The following CEP97 variants were observed in gnomAD, a reference collection of about 807,000 sequenced individuals.
The protein encoded by CEP97 is centrosomal protein of 97 kDa.
A neutral mutation model predicts 73.1 loss-of-function variants in CEP97; 43 were observed. The observed-to-expected ratio is 0.59, with a 90% confidence interval of 0.46 to 0.76. The LOEUF is 0.76. CEP97 is among the 30% of genes least tolerant of loss of function. The pLI is 0.00. For missense variants in CEP97, 939 were observed against 1,014.0 expected (o/e 0.93, Z 1.00); for synonymous variants, 337 against 370.0 (o/e 0.91, Z 1.02).
At chr3:101,737,690 G>A (rs2107145189) in intron 6 of CEP97, among the ~76,000 whole-genome samples, 1 of 151,910 alleles carries the variant, frequency 6.6e-6, no homozygotes, top group East Asian at 1.9e-4. Context: ...ACTGAAGGAA[G>A]CACTAAACAT....
chr3:101,764,221 C>T (rs1046169004), intron 10 of CEP97, among the ~76,000 whole-genome samples: 2 of 152,166 alleles, frequency 1.3e-5, no homozygotes, highest in Admixed American at 6.5e-5. Flanking sequence ...AATCCCAGCA[C>T]TTGGGAGGCC....
intron 6 of CEP97, among the ~76,000 whole-genome samples, chr3:101,751,297 T>G (rs1323172221): frequency 6.6e-6 from 1 of 152,244 alleles, no homozygotes; most frequent in Non-Finnish European, 1.5e-5. Context: ...ATAATTTCTG[T>G]TCTTTTACAT....
At chr3:101,727,314 A>G in intron 2 of CEP97, 69 bp from the exon 3 acceptor site, 1 of 1,337,676 alleles carries the variant, frequency 7.5e-7, no homozygotes, top group Non-Finnish European at 1.0e-6. Context: ...TAAACCTTTT[A>G]AATCACTTTA....
At chr3:101,730,231 T>TTTTGTTTTGTTTTGTTTTG (rs1560008268) in intron 4 of CEP97, among the ~76,000 whole-genome samples, 2 of 144,888 alleles carry the variant, frequency 1.4e-5, no homozygotes, top group African/African-American at 5.1e-5. Flanking sequence ...CGAGTCTGTT[T>TTTTGTTTTGTTTTGTTTTG]TTTTGTTTTG....
intron 4 of CEP97, among the ~76,000 whole-genome samples, chr3:101,730,574 AT>A (rs11293857): frequency 0.31 from 44,139 of 144,346 alleles, 6,827 homozygotes; most frequent in Middle Eastern, 0.44. Context: ...CCAAGTCTGG[AT>A]TTTTTTTTTT....
Position 101,767,850 on chromosome 3 carries a change from CTGTAAATTAGAG to C in CEP97, c.*2304_*2315del, listed in dbSNP as rs1156899179. On this transcript the variant is annotated 3_prime_UTR_variant, in exon 11 of 11. Transcript: ENST00000341893. The stretch of plus-strand genomic sequence containing the variant: ...CTTGAATGTAGATAAAATGAAAATA[CTGTAAATTAGAG>C]TGTAGGAAAACTGGCATAGAGTTAA... 4 of 152,102 alleles carry C rather than the reference CTGTAAATTAGAG, an allele frequency of 2.6e-5. No homozygotes were observed. The highest frequency in any genetic ancestry group is 7.2e-5 in the African/African-American group (3 of 41,434). The allele number at this position is 152,102 out of a possible 1,614,324, so 9.4% of individuals were successfully genotyped here.
intron 6 of CEP97, among the ~76,000 whole-genome samples, chr3:101,752,961 A>G (rs1192519508): frequency 2.0e-5 from 3 of 152,066 alleles, no homozygotes; most frequent in Non-Finnish European, 4.4e-5. Context: ...TTGGAGGAGG[A>G]GAGGTGCTCT....
intron 2 of CEP97, among the ~76,000 whole-genome samples, chr3:101,727,118 A>G (rs926852353): frequency 4.6e-5 from 7 of 152,188 alleles, no homozygotes; most frequent in Non-Finnish European, 8.8e-5. Context: ...TGGAACTTAC[A>G]TTCTCAAGTT....
chr3:101,738,323 G>A (rs936395367), intron 6 of CEP97, among the ~76,000 whole-genome samples: 11 of 152,196 alleles, frequency 7.2e-5, no homozygotes, highest in East Asian at 1.9e-4. Flanking sequence ...AGGACTTGAC[G>A]TCAGCTCTGG....
At chr3:101,749,920 G>A (rs1237515756) in intron 6 of CEP97, among the ~76,000 whole-genome samples, 1 of 149,978 alleles carries the variant, frequency 6.7e-6, no homozygotes, top group African/African-American at 2.5e-5. Context: ...AGTAGGTTGT[G>A]AAAATTTTCT....
intron 6 of CEP97, among the ~76,000 whole-genome samples, chr3:101,734,922 T>C (rs1938226846): frequency 6.6e-6 from 1 of 152,206 alleles, no homozygotes; most frequent in African/African-American, 2.4e-5. Context: ...AAGGCTTCAC[T>C]TTTTTCTCTG....
intron 1 of CEP97, 34 bp downstream of exon 1, chr3:101,724,753 A>C: frequency 6.2e-7 from 1 of 1,609,748 alleles, no homozygotes; most frequent in Admixed American, 1.7e-5. Context: ...CCTAAGGTTT[A>C]CTTCACGGAG....
At chr3:101,755,316 A>G (rs1399357971) in intron 6 of CEP97, 114 bp from the exon 7 acceptor site, 1 of 870,756 alleles carries the variant, frequency 1.1e-6, no homozygotes, top group East Asian at 2.5e-5. Context: ...TTTATTTATG[A>G]AAAACATACA....
rs1447872556 is a variant in CEP97, at chr3:101,766,619, CA to C, written c.*1069del. 6.6e-6 allele frequency: 1 copy of C among 151,454 alleles called. No individual in the cohort carries two copies. Among genetic ancestry groups the C allele is most frequent in the Non-Finnish European group, 1.5e-5 (1 of 67,828 alleles). 9.4% of individuals were successfully genotyped at this position (151,454 alleles called of 1,614,324 possible). ...ATGATGGTGAAGAAATAATAAACCTCACTTTACTTGTTAAAAGGGATATATA... is the reference window on the plus strand; with the variant it reads ...ATGATGGTGAAGAAATAATAAACCTCCTTTACTTGTTAAAAGGGATATATA... On this transcript the variant is annotated 3_prime_UTR_variant, in exon 11 of 11. Transcript: ENST00000341893.
At chr3:101,743,150 G>A (rs1938508893) in intron 6 of CEP97, among the ~76,000 whole-genome samples, 1 of 151,940 alleles carries the variant, frequency 6.6e-6, no homozygotes, top group African/African-American at 2.4e-5. Flanking sequence ...GGAGGCTGAA[G>A]TGGGAGGATT....
chr3:101,728,408 T>C (rs1422304525), intron 3 of CEP97, among the ~76,000 whole-genome samples: 1 of 152,034 alleles, frequency 6.6e-6, no homozygotes, highest in Non-Finnish European at 1.5e-5. Flanking sequence ...TACAGGCGCC[T>C]GCCCACCATG....
chr3:101,739,506 G>C (rs905933032), intron 6 of CEP97, among the ~76,000 whole-genome samples: 4 of 152,160 alleles, frequency 2.6e-5, no homozygotes, highest in Admixed American at 1.3e-4. Flanking sequence ...GGGATGCAAG[G>C]CTGGTTCATC....
At chr3:101,759,687 T>G (rs62284199) in intron 9 of CEP97, among the ~76,000 whole-genome samples, 46,405 of 152,056 alleles carry the variant, frequency 0.31, 7,380 homozygotes, top group Non-Finnish European at 0.35. Flanking sequence ...AGGGCCAGTC[T>G]TATCTTTGCA....
In CEP97 at chr3:101,757,764, C is replaced by T. The variant is rs200604035; in HGVS notation, c.1158C>T (p.Asp386=). 4 of 1,614,232 alleles carry T rather than the reference C, an allele frequency of 2.5e-6. No individual in the cohort carries two copies. The highest frequency in any genetic ancestry group is 3.4e-6 in the Non-Finnish European group (4 of 1,180,048). ...CTCGAAATGATCTGCACCTGGAAGA[C>T]ATACAGACGGATGAGGACAAGTTAA... The part of the protein sequence containing the change: ...RYSRNDLHLE[D]IQTDEDKLNC... Residue 386 remains aspartate, a synonymous_variant, in exon 9 of 11, where the codon GAC becomes GAT. Coordinates refer to ENST00000341893, the MANE Select transcript of CEP97 (RefSeq NM_024548.4).
Sources: allele counts gnomAD v4.1 joint callset (sites outside exome capture counted in the v4.1 genomes callset), GRCh38; gene constraint gnomAD v4.1.1; transcripts MANE v1.5; gene names NCBI Gene and HGNC (gene_info 2026-07-23, HGNC 2026-07-21).